Variants in SPOCK3 observed in about 807,000 individuals in gnomAD.
SPOCK3 encodes the protein testican-3.
In SPOCK3, 30 loss-of-function variants were observed where a neutral mutation model predicts 56.6. The ratio of observed to expected loss-of-function variants is 0.53; its 90% confidence interval spans 0.40 to 0.72. The LOEUF (loss-of-function observed/expected upper bound fraction) is 0.72, where lower values mean the gene tolerates loss of function less well. Among genes scored for constraint, SPOCK3 ranks in the 30% least tolerant of loss-of-function variants. The pLI, the probability that SPOCK3 is intolerant of heterozygous loss-of-function variation, is 0.00. For synonymous variants in SPOCK3, 196 were observed against 183.3 expected, an observed-to-expected ratio of 1.07 and a Z score of -0.56; for missense variants, 527 against 530.0, an observed-to-expected ratio of 0.99 and a Z score of 0.06.
chr4:166,813,205 C>A (rs1744018116), intron 6 of SPOCK3, among the ~76,000 whole-genome samples: 1 of 151,858 alleles, frequency 6.6e-6, no homozygotes, highest in Non-Finnish European at 1.5e-5. Context: ...ATTGAGAAGA[C>A]CACTAATGGC....
At chr4:167,101,275 G>A (rs2150325250) in intron 2 of SPOCK3, among the ~76,000 whole-genome samples, 1 of 152,056 alleles carries the variant, frequency 6.6e-6, no homozygotes, top group Non-Finnish European at 1.5e-5. Flanking sequence ...TATGGCTTTG[G>A]TTCTCCAAAC....
At chr4:166,849,302 G>T (rs1422794377) in intron 6 of SPOCK3, among the ~76,000 whole-genome samples, 1 of 152,084 alleles carries the variant, frequency 6.6e-6, no homozygotes, top group Non-Finnish European at 1.5e-5. Context: ...ACATATAAAG[G>T]AGATGGTAAT....
At chr4:167,053,801 A>G (rs1048619717) in intron 3 of SPOCK3, among the ~76,000 whole-genome samples, 1 of 152,206 alleles carries the variant, frequency 6.6e-6, no homozygotes, top group Non-Finnish European at 1.5e-5. Flanking sequence ...AAGAAAGCAC[A>G]CAATGAAACC....
chr4:166,775,275 C>T (rs1372550346), intron 7 of SPOCK3, among the ~76,000 whole-genome samples: 3 of 152,082 alleles, frequency 2.0e-5, no homozygotes, highest in Non-Finnish European at 4.4e-5. Flanking sequence ...TCTGCTCACT[C>T]ACATATGTCA....
chr4:167,096,886 T>A (rs1660868610), intron 2 of SPOCK3, among the ~76,000 whole-genome samples: 1 of 151,912 alleles, frequency 6.6e-6, no homozygotes, highest in African/African-American at 2.4e-5. Flanking sequence ...AATGGATACA[T>A]CTATTTCTCT....
chr4:167,156,340 G>A (rs1419973715), intron 2 of SPOCK3, among the ~76,000 whole-genome samples: 2 of 152,078 alleles, frequency 1.3e-5, no homozygotes, highest in African/African-American at 4.8e-5. Context: ...CCATAAAAAC[G>A]CAGGGATGCA....
chr4:167,120,377 A>C (rs1292860392), intron 2 of SPOCK3, among the ~76,000 whole-genome samples: 1 of 152,040 alleles, frequency 6.6e-6, no homozygotes, highest in East Asian at 1.9e-4. Flanking sequence ...AGGTTGTAGA[A>C]ATTTTAGATA....
chr4:167,200,131 C>T (rs545136474), intron 2 of SPOCK3, among the ~76,000 whole-genome samples: 90 of 152,050 alleles, frequency 5.9e-4, no homozygotes, highest in South Asian at 2.7e-3. Context: ...AAAATACAAT[C>T]AGGTATTTTT....
At chr4:166,767,401 C>T (rs28845175) in intron 7 of SPOCK3, among the ~76,000 whole-genome samples, 121,984 of 151,600 alleles carry the variant, frequency 0.8, 49,342 homozygotes, top group African/African-American at 0.84. Flanking sequence ...TTTGTTCTCA[C>T]TGGTTTCAAA....
intron 6 of SPOCK3, among the ~76,000 whole-genome samples, chr4:166,833,760 C>T (rs932178487): frequency 6.6e-6 from 1 of 152,086 alleles, no homozygotes; most frequent in African/African-American, 2.4e-5. Context: ...CCTGGTGCAC[C>T]TAGAACCTGT....
intron 3 of SPOCK3, among the ~76,000 whole-genome samples, chr4:167,058,104 C>T (rs953142023): frequency 3.9e-5 from 6 of 152,044 alleles, no homozygotes; most frequent in Non-Finnish European, 2.9e-5. Context: ...CAGGGATGCC[C>T]TCTCTCACCA....
At chr4:166,841,407 T>C (rs1747300940) in intron 6 of SPOCK3, among the ~76,000 whole-genome samples, 1 of 152,182 alleles carries the variant, frequency 6.6e-6, no homozygotes, top group African/African-American at 2.4e-5. Flanking sequence ...CAAATTGTCA[T>C]TTTACAATAA....
At chr4:166,842,112 G>A (rs1042800251) in intron 6 of SPOCK3, among the ~76,000 whole-genome samples, 1 of 152,204 alleles carries the variant, frequency 6.6e-6, no homozygotes, top group Non-Finnish European at 1.5e-5. Context: ...TAGGAGTGAA[G>A]CTGCAGACCT....
At chr4:167,099,475 T>TA (rs1434283281) in intron 2 of SPOCK3, among the ~76,000 whole-genome samples, 35 of 151,948 alleles carry the variant, frequency 2.3e-4, no homozygotes, top group African/African-American at 8.4e-4. Context: ...AGATCAGAGG[T>TA]ACGTGAAATT....
intron 4 of SPOCK3, among the ~76,000 whole-genome samples, chr4:166,945,148 A>T (rs1404731194): frequency 6.6e-6 from 1 of 152,104 alleles, no homozygotes; most frequent in Non-Finnish European, 1.5e-5. Context: ...CCATTACTGC[A>T]AGAAGCCTTG....
Position 166,841,629 on chromosome 4 carries a change from T to C in SPOCK3, c.589+47501A>G, listed in dbSNP as rs181562566. Among the ~76,000 whole-genome samples the C allele has an allele frequency of 3.1e-3, 470 of 150,598 alleles. 3 individuals are homozygous for C. The highest frequency in any genetic ancestry group is 0.011 in the African/African-American group (446 of 40,484). ...CTTAATTTGCTTTCATTTCTTACTA[T>C]GGAAAATTATAAAAATGTCCATAAA... is the stretch of plus-strand genomic sequence containing the variant. On this transcript the variant is annotated intron_variant, in intron 6 of 10. Transcript: ENST00000357545.
intron 6 of SPOCK3, among the ~76,000 whole-genome samples, chr4:166,879,649 C>G (rs977247880): frequency 2.0e-5 from 3 of 152,150 alleles, no homozygotes; most frequent in Admixed American, 6.6e-5. Flanking sequence ...GTACTGTGTT[C>G]TTTGAACTCC....
intron 6 of SPOCK3, among the ~76,000 whole-genome samples, chr4:166,831,655 T>C (rs1207313759): frequency 2.6e-5 from 4 of 151,638 alleles, no homozygotes; most frequent in African/African-American, 9.7e-5. Flanking sequence ...ATGTGTCTTC[T>C]CTTTTATTTT....
In SPOCK3 at chr4:166,791,095, A is replaced by G. The variant is rs116012109; in HGVS notation, c.709+1075T>C. 3.3e-3 allele frequency among the ~76,000 whole-genome samples: 498 copies of G among 152,262 alleles called. 5 individuals are homozygous for G. Among genetic ancestry groups the G allele is most frequent in the African/African-American group, 0.011 (469 of 41,542 alleles). ...AAAAATACTACAATTTCTTCATGAA[A>G]TTCATAAAAAGAAATATATGGATTA... On this transcript the variant is annotated intron_variant, in intron 7 of 10. Coordinates refer to ENST00000357545, the MANE Select transcript of SPOCK3 (RefSeq NM_001040159.2).
Sources: gnomAD v4.1 joint callset for allele counts (sites outside exome capture counted in the v4.1 genomes callset) on GRCh38, gnomAD v4.1.1 for gene constraint, MANE v1.5 for transcripts, NCBI Gene and HGNC (gene_info 2026-07-23, HGNC 2026-07-21) for gene names.